Variants in PRKCE observed in about 807,000 individuals in gnomAD.
The protein encoded by PRKCE is protein kinase C epsilon, also known as protein kinase C epsilon type.
Under a neutral mutation model 85.4 loss-of-function variants are expected in PRKCE, and 16 were observed. That is an observed-to-expected ratio of 0.19 (90% CI 0.13 to 0.28). The LOEUF (loss-of-function observed/expected upper bound fraction) is 0.28. Among genes scored for constraint, PRKCE ranks in the 10% least tolerant of loss-of-function variants. The pLI is 1.00. For synonymous variants in PRKCE, 388 were observed against 371.5 expected (o/e 1.04, Z -0.51); for missense variants, 573 against 975.2 (o/e 0.59, Z 5.49).
chr2:45,780,892 G>A (rs1686129910), intron 1 of PRKCE, among the ~76,000 whole-genome samples: 1 of 152,172 alleles, frequency 6.6e-6, no homozygotes, highest in Non-Finnish European at 1.5e-5. Flanking sequence ...TCATCCCGTT[G>A]ACACTGCTGA....
chr2:45,763,709 G>C (rs1302813790), intron 1 of PRKCE, among the ~76,000 whole-genome samples: 1 of 152,122 alleles, frequency 6.6e-6, no homozygotes, highest in Non-Finnish European at 1.5e-5. Flanking sequence ...CAGACTCAGT[G>C]AGCGCTAAAG....
intron 2 of PRKCE, among the ~76,000 whole-genome samples, chr2:45,959,221 C>T (rs1701216768): frequency 6.6e-6 from 1 of 152,002 alleles, no homozygotes; most frequent in Non-Finnish European, 1.5e-5. Context: ...CCTCTACTTC[C>T]AAGGAATTAT....
At chr2:45,751,210 A>G (rs1045766392) in intron 1 of PRKCE, among the ~76,000 whole-genome samples, 7 of 152,184 alleles carry the variant, frequency 4.6e-5, no homozygotes, top group African/African-American at 1.7e-4. Flanking sequence ...CATCTGCCAT[A>G]ATGGTGTGTA....
At chr2:45,950,634 G>A (rs745874498) in intron 2 of PRKCE, among the ~76,000 whole-genome samples, 47 of 152,226 alleles carry the variant, frequency 3.1e-4, no homozygotes, top group Non-Finnish European at 5.9e-4. Flanking sequence ...GTTTGATGAT[G>A]CCCAGGCCAA....
chr2:45,907,395 G>A lies in PRKCE; in HGVS notation c.412+64332G>A, dbSNP rs1023518351. ...GGGTTCAAAAGCCAAGAACATCTGC[G>A]AGTCCTGCATTGCATTTGCTGAATA... On this transcript the variant is annotated intron_variant, in intron 2 of 14. Transcript: ENST00000306156. The surrounding 1 kb of genome is among the most constrained non-coding windows in gnomAD (Gnocchi z 4.5). Among the ~76,000 whole-genome samples, 17 of 152,198 alleles carry A rather than the reference G, an allele frequency of 1.1e-4. No individual in the cohort carries two copies. The highest frequency in any genetic ancestry group is 2.1e-4 in the Non-Finnish European group (14 of 68,040).
chr2:45,816,924 T>A (rs967135454), intron 1 of PRKCE, among the ~76,000 whole-genome samples: 1 of 152,162 alleles, frequency 6.6e-6, no homozygotes. Context: ...GAGGATGAAA[T>A]GATTAAAAAC....
At chr2:46,106,324 A>G (rs1332787517) in intron 11 of PRKCE, among the ~76,000 whole-genome samples, 1 of 152,190 alleles carries the variant, frequency 6.6e-6, no homozygotes, top group Non-Finnish European at 1.5e-5. Context: ...CCACTCTGGC[A>G]TTAAGAAACC....
intron 10 of PRKCE, among the ~76,000 whole-genome samples, chr2:46,011,456 G>A (rs1049625582): frequency 3.3e-5 from 5 of 151,970 alleles, no homozygotes; most frequent in Admixed American, 6.6e-5. Context: ...TATCCTTCCC[G>A]TGTATCTGAT....
chr2:45,684,812 G>A (rs1211375748), intron 1 of PRKCE, among the ~76,000 whole-genome samples: 1 of 152,220 alleles, frequency 6.6e-6, no homozygotes, highest in Admixed American at 6.5e-5. Flanking sequence ...AGGAGGGAAT[G>A]CATGGGACTT....
chr2:46,043,295 AAT>A (rs1479229803), intron 10 of PRKCE, among the ~76,000 whole-genome samples: 1 of 152,190 alleles, frequency 6.6e-6, no homozygotes. Flanking sequence ...AAAAATGTGA[AAT>A]ATGTTATATA....
chr2:46,072,850 C>G (rs112608776), intron 10 of PRKCE, among the ~76,000 whole-genome samples: 15 of 152,294 alleles, frequency 9.8e-5, no homozygotes, highest in African/African-American at 3.6e-4. Flanking sequence ...AGAAATGACT[C>G]TTTAGTTAGA....
intron 1 of PRKCE, among the ~76,000 whole-genome samples, chr2:45,761,175 A>C (rs1684451991): frequency 6.6e-6 from 1 of 151,848 alleles, no homozygotes; most frequent in Admixed American, 6.6e-5. Context: ...AAAATACAAA[A>C]AATTAGCCGA....
chr2:46,020,430 C>T (rs1487140213), intron 10 of PRKCE, among the ~76,000 whole-genome samples: 1 of 152,024 alleles, frequency 6.6e-6, no homozygotes, highest in South Asian at 2.1e-4. Flanking sequence ...TTTTAACCTA[C>T]CCATATTATA....
rs909183313 is a variant in PRKCE at position 45,905,211 on chromosome 2, C to A, written c.412+62148C>A. 1.1e-4 allele frequency among the ~76,000 whole-genome samples: 17 copies of A among 152,268 alleles called. No individual in the cohort carries two copies. Among genetic ancestry groups the A allele is most frequent in the African/African-American group, 4.1e-4 (17 of 41,552 alleles). ...CTCAAGAGCATCCTTGACTTATGGCCAAGCCTCAGGAACCTCTTGGCTGGC... is the reference window on the plus strand; with the variant it reads ...CTCAAGAGCATCCTTGACTTATGGCAAAGCCTCAGGAACCTCTTGGCTGGC... On this transcript the variant is annotated intron_variant, in intron 2 of 14. Transcript: ENST00000306156. This position sits in a 1 kb window ranked among gnomAD's most constrained non-coding sequence, Gnocchi z 4.4.
chr2:45,871,872 G>A (rs541696045), intron 2 of PRKCE, among the ~76,000 whole-genome samples: 2 of 152,316 alleles, frequency 1.3e-5, no homozygotes, highest in South Asian at 4.1e-4. Flanking sequence ...TCTGGGGTCT[G>A]ATGACGAAGT....
At chr2:46,011,930 T>C (rs923906981) in intron 10 of PRKCE, among the ~76,000 whole-genome samples, 2 of 152,192 alleles carry the variant, frequency 1.3e-5, no homozygotes, top group Admixed American at 1.3e-4. Flanking sequence ...GATGGACACA[T>C]ATTTCTTTGT....
Position 46,129,315 on chromosome 2 carries a change from A to G in PRKCE, c.1593-15778A>G, listed in dbSNP as rs115705673. On this transcript the variant is annotated intron_variant, in intron 11 of 14. Transcript: ENST00000306156. Reference sequence around the variant, plus strand: ...TCCCATCCAAGGAAGGTGGGGGCCCATGGCAGGTGCTCAGTACGTAGCTGT... The same window carrying G: ...TCCCATCCAAGGAAGGTGGGGGCCCGTGGCAGGTGCTCAGTACGTAGCTGT... Among the ~76,000 whole-genome samples, 1,026 of 152,316 alleles carry G rather than the reference A, an allele frequency of 6.7e-3. 9 individuals carry two copies. Among genetic ancestry groups the G allele is most frequent in the African/African-American group, 0.024 (1,000 of 41,564 alleles).
chr2:45,956,437 T>G (rs183312725), intron 2 of PRKCE, among the ~76,000 whole-genome samples: 1 of 152,024 alleles, frequency 6.6e-6, no homozygotes, highest in Non-Finnish European at 1.5e-5. Flanking sequence ...CCCAGCAGTT[T>G]GGGAGGTCAA....
intron 1 of PRKCE, among the ~76,000 whole-genome samples, chr2:45,662,030 C>T (rs1283884000): frequency 1.3e-5 from 2 of 152,176 alleles, no homozygotes; most frequent in Non-Finnish European, 2.9e-5. Flanking sequence ...CTCTACCCCC[C>T]TTTAGCTCTC....
Sources: allele counts gnomAD v4.1 joint callset (sites outside exome capture counted in the v4.1 genomes callset), GRCh38; gene constraint gnomAD v4.1.1; non-coding constraint Gnocchi (gnomAD v3.1); transcripts MANE v1.5; gene names NCBI Gene and HGNC (gene_info 2026-07-23, HGNC 2026-07-21).